Variants in FARSB observed in about 807,000 individuals in gnomAD.
The protein encoded by FARSB is phenylalanine--tRNA ligase beta subunit.
In FARSB, 40 loss-of-function variants were observed where a neutral mutation model predicts 69.6. That is an observed-to-expected ratio of 0.57 (90% CI 0.45 to 0.75). FARSB has a LOEUF of 0.75. Ranked by LOEUF, FARSB falls within the 30% of genes least tolerant of loss-of-function variation. The probability of loss-of-function intolerance (pLI) is 0.00; values close to 1 mark genes in which losing one functional copy is unlikely to be tolerated. For missense variants in FARSB, 632 were observed against 722.9 expected (o/e 0.87, Z 1.44); for synonymous variants, 235 against 247.2 (o/e 0.95, Z 0.46).
intron 1 of FARSB, among the ~76,000 whole-genome samples, chr2:222,651,902 A>T (rs1295698408): frequency 6.6e-6 from 1 of 152,250 alleles, no homozygotes; most frequent in African/African-American, 2.4e-5. Flanking sequence ...GGAAACCAAG[A>T]GCCTAGAGGG....
At chr2:222,619,779 T>G (rs766692912) in intron 13 of FARSB, 42 bp from the exon 14 acceptor site, 18 of 1,081,024 alleles carry the variant, frequency 1.7e-5, no homozygotes, top group Non-Finnish European at 2.1e-5. Flanking sequence ...GAAAAGCAAT[T>G]ACTTAAGTTT....
In FARSB at chr2:222,599,980, G is replaced by A; in HGVS notation, c.1566C>T (p.Leu522=). ...HGLLDRIMQL[L]DVPPGEDKGG... is the part of the protein sequence containing the mutation. ...CCTTGTCTTCACCAGGAGGCACATC[G>A]AGCAACTGCATAATTCTGTCCAGCA... The change falls in exon 16 of 17, where the codon CTC becomes CTT. Residue 522 remains leucine, a synonymous_variant. Transcript: ENST00000281828. 9.3e-6 allele frequency: 15 copies of A among 1,610,444 alleles called. No homozygotes were observed. Among genetic ancestry groups the A allele is most frequent in the Non-Finnish European group, 1.2e-5 (14 of 1,179,164 alleles).
At chr2:222,651,292 G>A (rs1048938685) in intron 1 of FARSB, among the ~76,000 whole-genome samples, 13 of 152,190 alleles carry the variant, frequency 8.5e-5, no homozygotes, top group African/African-American at 2.4e-4. Flanking sequence ...AGTGCCACCT[G>A]GGTTTTTCTT....
At chr2:222,578,301 C>A (rs1689884853) in intron 16 of FARSB, among the ~76,000 whole-genome samples, 1 of 152,034 alleles carries the variant, frequency 6.6e-6, no homozygotes, top group Admixed American at 6.6e-5. Flanking sequence ...ATTTCTCAAA[C>A]CAAAAGGAAT....
chr2:222,644,238 C>T (rs567710461), intron 2 of FARSB, among the ~76,000 whole-genome samples: 129 of 152,250 alleles, frequency 8.5e-4, no homozygotes, highest in Non-Finnish European at 1.7e-3. Context: ...GTGCCAAAGT[C>T]CCACCTGAGG....
At chr2:222,609,615 A>G (rs1425838861) in intron 15 of FARSB, among the ~76,000 whole-genome samples, 2 of 152,190 alleles carry the variant, frequency 1.3e-5, no homozygotes, top group Non-Finnish European at 2.9e-5. Flanking sequence ...TAGAGTCTCA[A>G]TAAATGCAGT....
At chr2:222,646,959 G>A (rs1691881334) in intron 2 of FARSB, among the ~76,000 whole-genome samples, 2 of 152,182 alleles carry the variant, frequency 1.3e-5, no homozygotes, top group South Asian at 4.1e-4. Context: ...GTGATCAGTG[G>A]ACAAACTGCA....
intron 6 of FARSB, among the ~76,000 whole-genome samples, chr2:222,633,900 A>C (rs1183892908): frequency 1.3e-5 from 2 of 152,238 alleles, no homozygotes; most frequent in African/African-American, 4.8e-5. Flanking sequence ...AACTATTTAG[A>C]TAAATACGAA....
chr2:222,633,819 T>C (rs1485806895), intron 6 of FARSB, among the ~76,000 whole-genome samples: 1 of 152,224 alleles, frequency 6.6e-6, no homozygotes, highest in Non-Finnish European at 1.5e-5. Context: ...AATTGAATCA[T>C]TTCTCAAGAG....
chr2:222,633,249 A>T lies in FARSB; in HGVS notation c.665T>A (p.Val222Asp). Reference sequence around the variant, plus strand: ...GACGACACCATTGCTATCATAGATAACTGGATACAGGGGTTTGTTTTCAAT... The same window carrying T: ...GACGACACCATTGCTATCATAGATATCTGGATACAGGGGTTTGTTTTCAAT... ...HIIENKPLYP[V>D]IYDSNGVVLS... is the part of the protein sequence containing the mutation. Residue 222 changes from valine to aspartate, a missense_variant, in exon 7 of 17, where the codon GTT becomes GAT. Coordinates refer to ENST00000281828, the MANE Select transcript of FARSB (RefSeq NM_005687.5). The T allele has an allele frequency of 2.5e-6, 4 of 1,592,020 alleles. No individual in the cohort carries two copies. Among genetic ancestry groups the T allele is most frequent in the Non-Finnish European group, 3.4e-6 (4 of 1,163,240 alleles).
At position 222,644,800 on chromosome 2, in the gene FARSB, G is replaced by C. The variant is rs146634630; in HGVS notation, c.115-1795C>G. 6.0e-3 allele frequency among the ~76,000 whole-genome samples: 918 copies of C among 152,034 alleles called. 11 individuals are homozygous for C. Among genetic ancestry groups the C allele is most frequent in the African/African-American group, 0.021 (859 of 41,486 alleles). On this transcript the variant is annotated intron_variant, in intron 2 of 16. Coordinates refer to ENST00000281828, the MANE Select transcript of FARSB (RefSeq NM_005687.5). Reference sequence around the variant, plus strand: ...GAGATTAACAACTAATAATAAAATAGAACAATTAAAATAATATACTATAAT... The same window carrying C: ...GAGATTAACAACTAATAATAAAATACAACAATTAAAATAATATACTATAAT...
At chr2:222,615,538 C>T (rs1160795799) in intron 14 of FARSB, among the ~76,000 whole-genome samples, 1 of 152,236 alleles carries the variant, frequency 6.6e-6, no homozygotes, top group African/African-American at 2.4e-5. Context: ...GGAGGCCACA[C>T]TGGTCAGCAA....
chr2:222,613,555 T>C (rs949875348), intron 15 of FARSB, among the ~76,000 whole-genome samples: 1 of 151,876 alleles, frequency 6.6e-6, no homozygotes, highest in Admixed American at 6.6e-5. Flanking sequence ...AGGAAAAAAA[T>C]AAATAAATAA....
At chr2:222,594,270 T>C (rs547962672) in intron 16 of FARSB, among the ~76,000 whole-genome samples, 1 of 152,178 alleles carries the variant, frequency 6.6e-6, no homozygotes, top group Admixed American at 6.5e-5. Context: ...TTACTTTTGC[T>C]AAAATAAGTT....
rs745581780 is a variant in FARSB at position 222,648,815 on chromosome 2, G to GA, written c.59-21dup. 1.1e-4 allele frequency: 169 copies of GA among 1,550,198 alleles called. 1 individual carries two copies. The highest frequency in any genetic ancestry group is 1.3e-4 in the Admixed American group (8 of 59,952). On this transcript the variant is annotated intron_variant, in intron 1 of 16. Coordinates refer to ENST00000281828, the MANE Select transcript of FARSB (RefSeq NM_005687.5). Reference sequence around the variant, plus strand: ...CGTCAGCTAGGAAAATAAAAAAGGAGATGGTTAATTTCACTCTGTTCAGTA... The same window carrying GA: ...CGTCAGCTAGGAAAATAAAAAAGGAGAATGGTTAATTTCACTCTGTTCAGTA...
At chr2:222,587,796 A>C (rs1319619905) in intron 16 of FARSB, among the ~76,000 whole-genome samples, 1 of 152,192 alleles carries the variant, frequency 6.6e-6, no homozygotes, top group East Asian at 1.9e-4. Flanking sequence ...CACCCTCCCA[A>C]GACTAAACCA....
chr2:222,640,002 G>A (rs1386024333), intron 4 of FARSB, among the ~76,000 whole-genome samples: 1 of 152,056 alleles, frequency 6.6e-6, no homozygotes, highest in Admixed American at 6.5e-5. Flanking sequence ...TTTCATTAAT[G>A]TTCCACAATT....
intron 1 of FARSB, among the ~76,000 whole-genome samples, chr2:222,654,890 T>C (rs1347223230): frequency 6.6e-6 from 1 of 152,212 alleles, no homozygotes; most frequent in African/African-American, 2.4e-5. Flanking sequence ...GTCCAGCCTT[T>C]ATACAAGCTA....
At chr2:222,622,246 G>A (rs1473726174) in intron 13 of FARSB, among the ~76,000 whole-genome samples, 2 of 152,186 alleles carry the variant, frequency 1.3e-5, no homozygotes, top group Non-Finnish European at 2.9e-5. Flanking sequence ...GAAGACACAT[G>A]AGGCTCTAAG....
Sources: gnomAD v4.1 joint callset for allele counts (sites outside exome capture counted in the v4.1 genomes callset) on GRCh38, gnomAD v4.1.1 for gene constraint, MANE v1.5 for transcripts, NCBI Gene and HGNC (gene_info 2026-07-23, HGNC 2026-07-21) for gene names.